The following PSKH1 variants were observed in gnomAD, a reference collection of about 807,000 sequenced individuals.
The protein encoded by PSKH1 is protein serine kinase H1.
Under a neutral mutation model 26.7 loss-of-function variants are expected in PSKH1, and 12 were observed. The ratio of observed to expected loss-of-function variants is 0.45; its 90% CI spans 0.29 to 0.73. PSKH1 has a LOEUF of 0.73. PSKH1 is among the 30% of genes least tolerant of loss of function. PSKH1 has a pLI of 0.11. For missense variants in PSKH1, 431 were observed against 595.2 expected (o/e 0.72, Z 2.87); for synonymous variants, 213 against 234.3 (o/e 0.91, Z 0.83).
At chr16:67,906,159 G>A (rs1241805305) in intron 1 of PSKH1, among the ~76,000 whole-genome samples, 2 of 149,778 alleles carry the variant, frequency 1.3e-5, no homozygotes, top group Non-Finnish European at 1.5e-5. Flanking sequence ...TCTAACCTCC[G>A]CCTCCCGGGT....
chr16:67,921,475 C>T (rs1322627727), intron 2 of PSKH1, among the ~76,000 whole-genome samples: 8 of 150,108 alleles, frequency 5.3e-5, no homozygotes, highest in African/African-American at 1.5e-4. Context: ...CTTGGGAGGC[C>T]GAGGCAGGAG....
Position 67,927,003 on chromosome 16 carries a change from C to T in PSKH1, c.958-322C>T, listed in dbSNP as rs914512906. On this transcript the variant is annotated intron_variant, in intron 2 of 2. Coordinates refer to ENST00000291041, the MANE Select transcript of PSKH1 (RefSeq NM_006742.3). The surrounding 1 kb of genome is among the most constrained non-coding windows in gnomAD (Gnocchi z 5.5). ...GTTTGAATCATTCTCTAACAGTCCC[C>T]TGAGTTATGATACTCCTGGGACAAG... is the stretch of plus-strand genomic sequence containing the variant. Among the ~76,000 whole-genome samples, 1 of 152,186 alleles carries T rather than the reference C, an allele frequency of 6.6e-6. No homozygotes were observed. The highest frequency in any genetic ancestry group is 6.5e-5 in the Admixed American group (1 of 15,288).
At chr16:67,912,075 C>G (rs1368735622) in intron 2 of PSKH1, among the ~76,000 whole-genome samples, 1 of 152,184 alleles carries the variant, frequency 6.6e-6, no homozygotes, top group Non-Finnish European at 1.5e-5. Flanking sequence ...AGTGGTCAGC[C>G]TTGTGGAGAA....
rs755506342 is a variant in PSKH1, at chr16:67,908,706, C to A, written c.-44C>A. Reference sequence around the variant, plus strand: ...TGTAGACGGGGCACTGCCTTCAGAGCAGGTCCTGCCAGCCTCGCTGGAGAG... The same window carrying A: ...TGTAGACGGGGCACTGCCTTCAGAGAAGGTCCTGCCAGCCTCGCTGGAGAG... On this transcript the variant is annotated 5_prime_UTR_variant, in exon 2 of 3. Transcript: ENST00000291041. 87 of 1,512,986 alleles carry A rather than the reference C, an allele frequency of 5.8e-5. No individual in the cohort carries two copies. Among genetic ancestry groups the A allele is most frequent in the Non-Finnish European group, 4.5e-5 (50 of 1,115,314 alleles). 93.7% of individuals were successfully genotyped at this position (1,512,986 alleles called of 1,614,324 possible).
At chr16:67,906,156 T>C (rs2058155361) in intron 1 of PSKH1, among the ~76,000 whole-genome samples, 1 of 150,894 alleles carries the variant, frequency 6.6e-6, no homozygotes, top group Non-Finnish European at 1.5e-5. Context: ...TACTCTAACC[T>C]CCGCCTCCCG....
At chr16:67,896,860 C>T (rs545234435) in intron 1 of PSKH1, among the ~76,000 whole-genome samples, 3 of 152,304 alleles carry the variant, frequency 2.0e-5, no homozygotes, top group Admixed American at 1.3e-4. Flanking sequence ...TTGCATCTGA[C>T]ACTGAGCTCC....
chr16:67,927,152 G>A lies in PSKH1; in HGVS notation c.958-173G>A, dbSNP rs1457319597. Among the ~76,000 whole-genome samples, 2 of 152,214 alleles carry A rather than the reference G, an allele frequency of 1.3e-5. No individual in the cohort carries two copies. The highest frequency in any genetic ancestry group is 3.9e-4 in the East Asian group (2 of 5,186). On this transcript the variant is annotated intron_variant, in intron 2 of 2. Coordinates refer to ENST00000291041, the MANE Select transcript of PSKH1 (RefSeq NM_006742.3). This position sits in a 1 kb window ranked among gnomAD's most constrained non-coding sequence, Gnocchi z 5.5. ...TCCTTGCCAGACTCCATCACCTGGA[G>A]AGCAGCCCTTGTTCAGCCTGAGCCA... is the stretch of plus-strand genomic sequence containing the variant.
chr16:67,899,956 C>G (rs2058137291), intron 1 of PSKH1, among the ~76,000 whole-genome samples: 1 of 147,834 alleles, frequency 6.8e-6, no homozygotes. Context: ...GCCTGTTTTT[C>G]TTTTTCTTTC....
intron 2 of PSKH1, among the ~76,000 whole-genome samples, chr16:67,916,734 G>C (rs1024060746): frequency 1.3e-5 from 2 of 152,154 alleles, no homozygotes; most frequent in East Asian, 3.8e-4. Context: ...GGGCAGATCA[G>C]GGATCCCAGG....
At chr16:67,921,790 T>C (rs74939853) in intron 2 of PSKH1, among the ~76,000 whole-genome samples, 89 of 152,196 alleles carry the variant, frequency 5.8e-4, no homozygotes, top group Middle Eastern at 3.4e-3. Flanking sequence ...AGCGAGCAAA[T>C]AGCATCCTTC....
chr16:67,927,487 A>G lies in PSKH1; in HGVS notation c.1120A>G (p.Asn374Asp). Residue 374 changes from asparagine (N) to aspartate (D), a missense_variant, in exon 3 of 3, where the codon AAC (asparagine) becomes GAC (aspartate). By Grantham distance (23) the Asn-to-Asp change is conservative. Coordinates refer to ENST00000291041, the MANE Select transcript of PSKH1 (RefSeq NM_006742.3). The surrounding 1 kb of genome is among the most constrained non-coding windows in gnomAD (Gnocchi z 5.5). The stretch of plus-strand genomic sequence containing the variant: ...GAACCTGCACCGCTCCATATCCCAG[A>G]ACCTCCTTAAACGTGCCTCCTCGCG... ...MKNLHRSISQ[N>D]LLKRASSRCQ... 1 of 1,614,212 alleles carries G rather than the reference A, an allele frequency of 6.2e-7. No homozygotes were observed. The highest frequency in any genetic ancestry group is 8.5e-7 in the Non-Finnish European group (1 of 1,180,038).
In PSKH1 at chr16:67,927,755, G is replaced by A; in HGVS notation, c.*113G>A. The A allele has an allele frequency of 1.6e-6, 2 of 1,254,774 alleles. No individual in the cohort carries two copies. Among genetic ancestry groups the A allele is most frequent in the Non-Finnish European group, 2.2e-6 (2 of 922,686 alleles). 77.7% of individuals were successfully genotyped at this position (1,254,774 alleles called of 1,614,324 possible). On this transcript the variant is annotated 3_prime_UTR_variant, in exon 3 of 3. Transcript: ENST00000291041. The surrounding 1 kb of genome is among the most constrained non-coding windows in gnomAD (Gnocchi z 5.5). ...GCCTATGTGGCCCACAGTAGGTGAA[G>A]AATGTCTGGCTCCAGCCCTTTCTCT...
rs2058165258 is a variant in PSKH1 at position 67,909,050 on chromosome 16, A to T, written c.301A>T (p.Lys101Ter). ...DPRVTAKYDI[K>*]ALIGRGSFSR... The stretch of plus-strand genomic sequence containing the variant: ...ACGTGTTACAGCTAAGTATGACATC[A>T]AGGCCCTAATTGGCCGAGGCAGCTT... Residue 101 changes from lysine to a stop codon, truncating the protein, a stop_gained, in exon 2 of 3, where the codon AAG (lysine) becomes TAG (stop). Transcript: ENST00000291041. LOFTEE classifies it high-confidence loss of function. The surrounding 1 kb of genome is among the most constrained non-coding windows in gnomAD (Gnocchi z 7.8). The T allele has an allele frequency of 6.2e-7, 1 of 1,614,086 alleles. No individual in the cohort carries two copies. The highest frequency in any genetic ancestry group is 8.5e-7 in the Non-Finnish European group (1 of 1,180,038).
chr16:67,919,503 G>A (rs2058196291), intron 2 of PSKH1, among the ~76,000 whole-genome samples: 1 of 152,214 alleles, frequency 6.6e-6, no homozygotes, highest in South Asian at 2.1e-4. Context: ...GATCCCATGA[G>A]GATGATCAGA....
intron 2 of PSKH1, among the ~76,000 whole-genome samples, chr16:67,912,880 C>CA (rs921528943): frequency 1.7e-4 from 25 of 150,350 alleles, no homozygotes; most frequent in East Asian, 4.0e-4. Context: ...AAAAAAGAAA[C>CA]AAAAAAAAAG....
chr16:67,927,607 C>T lies in PSKH1; in HGVS notation c.1240C>T (p.Leu414Phe), dbSNP rs1209336836. 6.2e-7 allele frequency: 1 copy of T among 1,610,308 alleles called. No individual in the cohort carries two copies. Reference protein sequence around the residue: ...RRVRERELRELNLRYQQQYNG With the variant: ...RRVRERELREFNLRYQQQYNG ...TGTGCGGGAACGGGAGCTGCGGGAG[C>T]TCAACCTGCGCTACCAGCAGCAATA... The change falls in exon 3 of 3, where the codon CTC becomes TTC. Residue 414 changes from leucine to phenylalanine, a missense_variant. Physicochemically the swap from Leu to Phe is conservative, Grantham distance 22. Transcript: ENST00000291041. The surrounding 1 kb of genome is among the most constrained non-coding windows in gnomAD (Gnocchi z 5.5).
rs149596483 is a variant in PSKH1, at chr16:67,899,495, C to T, written c.-71+6124C>T. On this transcript the variant is annotated intron_variant, in intron 1 of 2. Transcript: ENST00000291041. ...GGACTACAGGCGCCTGCCACCACACCGGGCTAATTTTTTGTATTTTTAGTA... is the reference window on the plus strand; with the variant it reads ...GGACTACAGGCGCCTGCCACCACACTGGGCTAATTTTTTGTATTTTTAGTA... Among the ~76,000 whole-genome samples the T allele has an allele frequency of 6.0e-3, 903 of 150,922 alleles. 7 individuals are homozygous for T. Among genetic ancestry groups the T allele is most frequent in the African/African-American group, 0.02 (836 of 41,092 alleles).
intron 1 of PSKH1, among the ~76,000 whole-genome samples, chr16:67,906,810 C>A (rs906532795): frequency 1.3e-5 from 2 of 152,138 alleles, no homozygotes; most frequent in Non-Finnish European, 2.9e-5. Flanking sequence ...CCACCAGCCC[C>A]AGGGTATTTA....
intron 1 of PSKH1, among the ~76,000 whole-genome samples, chr16:67,900,532 A>G (rs959402815): frequency 2.6e-5 from 4 of 152,182 alleles, no homozygotes; most frequent in Admixed American, 6.5e-5. Context: ...GAGGCCCAGC[A>G]CTGCTGGAGT....
Sources: gnomAD v4.1 joint callset for allele counts (sites outside exome capture counted in the v4.1 genomes callset) on GRCh38, gnomAD v4.1.1 for gene constraint, Gnocchi (gnomAD v3.1) non-coding constraint, MANE v1.5 for transcripts, NCBI Gene and HGNC (gene_info 2026-07-23, HGNC 2026-07-21) for gene names.